STK32B: variants seen among roughly 807,000 people sequenced by gnomAD.
STK32B encodes the protein serine/threonine kinase 32B, also known as serine/threonine-protein kinase 32B.
A neutral mutation model predicts 52.6 loss-of-function variants in STK32B; 43 were observed. The observed-to-expected ratio is 0.82, with a 90% confidence interval of 0.64 to 1.05. The LOEUF (loss-of-function observed/expected upper bound fraction) is 1.05. Among genes scored for constraint, STK32B ranks in the 50% least tolerant of loss-of-function variants. The pLI is 0.00. For missense variants in STK32B, 621 were observed against 534.6 expected, an observed-to-expected ratio of 1.16 and a Z score of -1.59; for synonymous variants, 238 against 204.3, an observed-to-expected ratio of 1.17 and a Z score of -1.41.
chr4:5,117,397 T>C (rs752714870), intron 1 of STK32B, among the ~76,000 whole-genome samples: 2 of 108,982 alleles, frequency 1.8e-5, no homozygotes, highest in Non-Finnish European at 3.8e-5. Context: ...GATGATCATA[T>C]GATTTTTTTT....
chr4:5,315,437 G>A (rs1021801267), intron 3 of STK32B, among the ~76,000 whole-genome samples: 2 of 121,714 alleles, frequency 1.6e-5, no homozygotes, highest in Non-Finnish European at 3.1e-5. Flanking sequence ...CACTTACTGA[G>A]TATTTATATG....
chr4:5,326,883 A>G (rs1478945689), intron 3 of STK32B, among the ~76,000 whole-genome samples: 1 of 152,196 alleles, frequency 6.6e-6, no homozygotes, highest in Non-Finnish European at 1.5e-5. Context: ...GTGCTGTTTG[A>G]TAGCATTTTG....
Position 5,331,386 on chromosome 4 carries a change from A to G in STK32B, c.427A>G (p.Ile143Val). The G allele has an allele frequency of 6.2e-7, 1 of 1,610,380 alleles. No individual in the cohort carries two copies. Among genetic ancestry groups the G allele is most frequent in the East Asian group, 2.2e-5 (1 of 44,716 alleles). The change falls in exon 4 of 12, where the codon ATC becomes GTC. Residue 143 changes from isoleucine (I) to valine (V), a missense_variant. Transcript: ENST00000282908. ...ALEYLQRYHI[I>V]HRDIKPDNIL... ...GGAGTATCTTCAGAGGTACCACATC[A>G]TCCACAGGTAACTGGGCTGCTGGCG...
At chr4:5,274,807 C>T (rs780304544) in intron 3 of STK32B, among the ~76,000 whole-genome samples, 30 of 152,238 alleles carry the variant, frequency 2.0e-4, no homozygotes, top group Non-Finnish European at 4.0e-4. Flanking sequence ...TCCACCACTG[C>T]TGTTTGCCGC....
chr4:5,351,165 C>T (rs1470302418), intron 4 of STK32B, among the ~76,000 whole-genome samples: 1 of 152,054 alleles, frequency 6.6e-6, no homozygotes, highest in East Asian at 1.9e-4. Flanking sequence ...CCATTTCATC[C>T]AACAGCTACA....
intron 1 of STK32B, among the ~76,000 whole-genome samples, chr4:5,134,917 G>T (rs1440942698): frequency 2.6e-5 from 4 of 152,210 alleles, no homozygotes; most frequent in Non-Finnish European, 4.4e-5. Flanking sequence ...TTGGCTGTTT[G>T]AATAAACAGC....
intron 3 of STK32B, among the ~76,000 whole-genome samples, chr4:5,283,535 G>A (rs1435186347): frequency 6.6e-6 from 1 of 152,082 alleles, no homozygotes; most frequent in Non-Finnish European, 1.5e-5. Flanking sequence ...AATTCACCAA[G>A]AAACTGCATA....
In STK32B at chr4:5,183,461, G is replaced by A. The variant is rs1202621177; in HGVS notation, c.260+15011G>A. On this transcript the variant is annotated intron_variant, in intron 3 of 11. Transcript: ENST00000282908. Reference sequence around the variant, plus strand: ...CACTGCACTCCAGCCTGGGCAAAAAGAGCAAAACTCCATCTCAAAAAAAAA... The same window carrying A: ...CACTGCACTCCAGCCTGGGCAAAAAAAGCAAAACTCCATCTCAAAAAAAAA... Among the ~76,000 whole-genome samples the A allele has an allele frequency of 3.5e-5, 5 of 141,380 alleles. No individual in the cohort carries two copies. In the East Asian group the frequency reaches 1.0e-3, roughly 29 times the overall value. The allele number at this position is 141,380 out of a possible 152,430, so 92.8% of individuals were successfully genotyped here.
intron 2 of STK32B, among the ~76,000 whole-genome samples, chr4:5,143,250 A>G (rs1716645201): frequency 6.6e-6 from 1 of 152,174 alleles, no homozygotes; most frequent in Non-Finnish European, 1.5e-5. Flanking sequence ...AGGTAGGGAG[A>G]AGGAGGGTTC....
intron 1 of STK32B, among the ~76,000 whole-genome samples, chr4:5,114,632 C>T (rs185094885): frequency 1.8e-4 from 27 of 152,308 alleles, no homozygotes; most frequent in Admixed American, 1.3e-3. Flanking sequence ...AAGGGAGTCT[C>T]GAGTAGAGAC....
At chr4:5,278,240 A>G (rs1444026087) in intron 3 of STK32B, among the ~76,000 whole-genome samples, 2 of 152,208 alleles carry the variant, frequency 1.3e-5, no homozygotes, top group Admixed American at 6.5e-5. Flanking sequence ...TACAGAACTG[A>G]GCTTGAAAGG....
intron 4 of STK32B, among the ~76,000 whole-genome samples, chr4:5,361,653 C>A (rs1046291319): frequency 1.3e-5 from 2 of 152,204 alleles, no homozygotes; most frequent in African/African-American, 4.8e-5. Context: ...TGGCCTATTT[C>A]AATTTTTTTT....
chr4:5,196,325 C>T (rs1450678670), intron 3 of STK32B, among the ~76,000 whole-genome samples: 16 of 123,598 alleles, frequency 1.3e-4, no homozygotes, highest in African/African-American at 3.4e-4. Context: ...CTCCTCTCTT[C>T]TTTCTTCAGT....
At chr4:5,422,678 G>T (rs1184492928) in intron 6 of STK32B, among the ~76,000 whole-genome samples, 1 of 152,144 alleles carries the variant, frequency 6.6e-6, no homozygotes, top group Non-Finnish European at 1.5e-5. Flanking sequence ...GCTTAGTTAG[G>T]CACTGGGGCT....
chr4:5,131,740 T>C (rs1422155695), intron 1 of STK32B, among the ~76,000 whole-genome samples: 1 of 152,234 alleles, frequency 6.6e-6, no homozygotes, highest in Non-Finnish European at 1.5e-5. Context: ...GTCACTTTAT[T>C]TATGGATCTG....
chr4:5,108,114 T>C (rs1290903576), intron 1 of STK32B, among the ~76,000 whole-genome samples: 2 of 152,240 alleles, frequency 1.3e-5, no homozygotes, highest in Non-Finnish European at 2.9e-5. Context: ...AATTTTCTGG[T>C]TTGGAACGTT....
intron 1 of STK32B, among the ~76,000 whole-genome samples, chr4:5,086,561 G>A (rs986734459): frequency 1.3e-5 from 2 of 151,958 alleles, no homozygotes; most frequent in African/African-American, 4.8e-5. Context: ...GATAATAATG[G>A]TAAAAAGTAA....
intron 3 of STK32B, among the ~76,000 whole-genome samples, chr4:5,293,948 C>T (rs1029027046): frequency 3.3e-5 from 5 of 152,078 alleles, no homozygotes; most frequent in Admixed American, 2.6e-4. Flanking sequence ...TTTAATCCAT[C>T]TTGAGTTATT....
At chr4:5,472,475 C>T (rs1717919566) in intron 11 of STK32B, among the ~76,000 whole-genome samples, 1 of 152,244 alleles carries the variant, frequency 6.6e-6, no homozygotes, top group East Asian at 1.9e-4. Flanking sequence ...CAGGGCTGGT[C>T]AGGGCTTTGA....
Sources: allele counts gnomAD v4.1 joint callset (sites outside exome capture counted in the v4.1 genomes callset), GRCh38; gene constraint gnomAD v4.1.1; transcripts MANE v1.5; gene names NCBI Gene and HGNC (gene_info 2026-07-23, HGNC 2026-07-21).